RABGAP1: variants seen among roughly 807,000 people sequenced by gnomAD.
RABGAP1 encodes the protein rab GTPase-activating protein 1.
In RABGAP1, 23 loss-of-function variants were observed where a neutral mutation model predicts 137.6. The observed-to-expected ratio is 0.17, with a 90% CI of 0.12 to 0.24. RABGAP1 has a LOEUF of 0.24. RABGAP1 is among the 10% of genes least tolerant of loss of function. RABGAP1 has a pLI of 1.00. For synonymous variants in RABGAP1, 451 were observed against 450.7 expected, an observed-to-expected ratio of 1.00 and a Z score of -0.01; for missense variants, 906 against 1,275.8, an observed-to-expected ratio of 0.71 and a Z score of 4.42.
intron 12 of RABGAP1, 63 bp downstream of exon 12, chr9:123,015,699 C>T (rs899324235): frequency 1.2e-5 from 14 of 1,157,058 alleles, no homozygotes; most frequent in East Asian, 7.6e-5. Flanking sequence ...GAGAATCTTA[C>T]CTAACTATAA....
intron 9 of RABGAP1, among the ~76,000 whole-genome samples, chr9:122,998,392 A>C (rs1013510914): frequency 2.0e-5 from 3 of 152,194 alleles, no homozygotes; most frequent in Non-Finnish European, 4.4e-5. Context: ...AGTGTATACT[A>C]CTGTCAGTTA....
chr9:123,027,753 T>C (rs2032063346), intron 13 of RABGAP1, among the ~76,000 whole-genome samples: 1 of 152,184 alleles, frequency 6.6e-6, no homozygotes, highest in Non-Finnish European at 1.5e-5. Flanking sequence ...TCCTTAAGCT[T>C]TGACATTCTG....
At chr9:123,001,062 C>T (rs768085011) in intron 10 of RABGAP1, among the ~76,000 whole-genome samples, 3 of 151,958 alleles carry the variant, frequency 2.0e-5, no homozygotes, top group South Asian at 4.2e-4. Context: ...GTTGGCCAGG[C>T]TGGTCTCGAA....
chr9:123,035,334 A>G, intron 13 of RABGAP1: 1 of 1,614,164 alleles, frequency 6.2e-7, no homozygotes, highest in Non-Finnish European at 8.5e-7. Context: ...TCCTGTTTCG[A>G]ATCACTAGTG....
At chr9:123,043,335 A>G (rs1433819866) in intron 13 of RABGAP1, among the ~76,000 whole-genome samples, 1 of 152,236 alleles carries the variant, frequency 6.6e-6, no homozygotes, top group Non-Finnish European at 1.5e-5. Context: ...AAATAGGAGC[A>G]GGAACAAAGA....
At chr9:122,965,762 A>G (rs911373446) in intron 2 of RABGAP1, among the ~76,000 whole-genome samples, 1 of 152,220 alleles carries the variant, frequency 6.6e-6, no homozygotes, top group South Asian at 2.1e-4. Context: ...TACTTAAACC[A>G]TTGAACATAC....
chr9:122,940,813 T>G (rs570955558), upstream of RABGAP1: 21 of 152,650 alleles, frequency 1.4e-4, no homozygotes, highest in African/African-American at 5.0e-4. Flanking sequence ...TCACAGCCAG[T>G]GCACTTCGCG....
chr9:122,972,733 G>A (rs943091435), intron 2 of RABGAP1, among the ~76,000 whole-genome samples: 3 of 152,152 alleles, frequency 2.0e-5, no homozygotes, highest in Non-Finnish European at 4.4e-5. Flanking sequence ...ACAGAGGATG[G>A]AAACCTAATT....
intron 4 of RABGAP1, 113 bp downstream of exon 4, chr9:122,986,532 A>G: frequency 8.6e-7 from 1 of 1,163,540 alleles, no homozygotes; most frequent in South Asian, 1.5e-5. Flanking sequence ...TACTTGTGTA[A>G]CGTTTCATTT....
chr9:123,083,574 G>A (rs918165218), intron 19 of RABGAP1, among the ~76,000 whole-genome samples: 6 of 152,174 alleles, frequency 3.9e-5, no homozygotes, highest in African/African-American at 1.4e-4. Context: ...AAACACTCTG[G>A]TGGTAGAACC....
rs1052770044 is a variant in RABGAP1, at chr9:122,968,448, C to T, written c.150+11239C>T. The stretch of plus-strand genomic sequence containing the variant: ...AGGTTGGTCAGGCTGGTACTGAATT[C>T]GTGGCCTCAAGTAATCTGCCTGCCT... On this transcript the variant is annotated intron_variant, in intron 2 of 25. Transcript: ENST00000373647. 6.6e-5 allele frequency among the ~76,000 whole-genome samples: 10 copies of T among 152,054 alleles called. No individual in the cohort carries two copies. In the East Asian group the frequency reaches 1.4e-3, roughly 21 times the overall value.
chr9:123,064,808 T>C (rs2034114436), intron 13 of RABGAP1, among the ~76,000 whole-genome samples: 2 of 152,248 alleles, frequency 1.3e-5, no homozygotes. Flanking sequence ...CCATAGCCTG[T>C]TTGAATCCCT....
At chr9:123,083,117 A>G (rs1049197734) in intron 19 of RABGAP1, among the ~76,000 whole-genome samples, 1 of 152,240 alleles carries the variant, frequency 6.6e-6, no homozygotes, top group Non-Finnish European at 1.5e-5. Flanking sequence ...CTCAAAGGAT[A>G]TAAAGTTAGT....
chr9:122,973,333 G>A (rs370270436), intron 2 of RABGAP1, among the ~76,000 whole-genome samples: 5 of 152,212 alleles, frequency 3.3e-5, no homozygotes, highest in African/African-American at 1.2e-4. Context: ...CACCTCTCGG[G>A]TTCACACCAT....
chr9:123,016,837 TTG>T (rs962612092), intron 12 of RABGAP1, among the ~76,000 whole-genome samples: 6 of 152,342 alleles, frequency 3.9e-5, no homozygotes, highest in African/African-American at 1.4e-4. Flanking sequence ...TTTTAAAGCA[TTG>T]TGTCATGCCC....
At chr9:122,936,065 CT>C (rs1053737944), upstream of RABGAP1, among the ~76,000 whole-genome samples, 1 of 150,654 alleles carries the variant, frequency 6.6e-6, no homozygotes, top group South Asian at 2.1e-4. Context: ...TCAGGATTCT[CT>C]TTTTTTTTGG....
rs201753049 is a variant in RABGAP1, at chr9:123,076,292, C to T, written c.2295+6C>T. 186 of 1,605,304 alleles carry T rather than the reference C, an allele frequency of 1.2e-4. No individual in the cohort carries two copies. The African/African-American group carries it at 2.2e-3, about 19-fold the overall frequency. On this transcript the variant is annotated splice_donor_region_variant and intron_variant, in intron 18 of 25. Transcript: ENST00000373647. ...TCGCCCTTGGATTATTAAAGGTACTCATTTATTTATTAGCTGAGTTATCTG... is the reference window on the plus strand; with the variant it reads ...TCGCCCTTGGATTATTAAAGGTACTTATTTATTTATTAGCTGAGTTATCTG...
intron 1 of RABGAP1, among the ~76,000 whole-genome samples, chr9:122,950,577 A>G (rs1233698123): frequency 6.6e-6 from 1 of 152,018 alleles, no homozygotes; most frequent in African/African-American, 2.4e-5. Context: ...CACCTCTGTT[A>G]TAACAAGCAC....
At chr9:123,051,216 G>GTTTTTTTTTTTTTTTGTTT (rs2033444676) in intron 13 of RABGAP1, among the ~76,000 whole-genome samples, 1 of 34,278 alleles carries the variant, frequency 2.9e-5, no homozygotes, top group Non-Finnish European at 5.6e-5. Flanking sequence ...ATTCACCTTG[G>GTTTTTTTTTTTTTTTGTTT]TTTTTTTTTT....
Sources: allele counts gnomAD v4.1 joint callset (sites outside exome capture counted in the v4.1 genomes callset), GRCh38; gene constraint gnomAD v4.1.1; transcripts MANE v1.5; gene names NCBI Gene and HGNC (gene_info 2026-07-23, HGNC 2026-07-21).